The following ACTN1 variants were observed in gnomAD, a reference collection of about 807,000 sequenced individuals.
The protein encoded by ACTN1 is alpha-actinin-1.
ACTN1 carries 30 observed loss-of-function variants against 119.6 expected under a neutral mutation model. The ratio of observed to expected loss-of-function variants is 0.25; its 90% confidence interval spans 0.19 to 0.34. The LOEUF (loss-of-function observed/expected upper bound fraction) is 0.34. Among genes scored for constraint, ACTN1 ranks in the 10% least tolerant of loss-of-function variants. The pLI is 1.00. For synonymous variants in ACTN1, 429 were observed against 472.6 expected (o/e 0.91, Z 1.20); for missense variants, 764 against 1,223.4 (o/e 0.62, Z 5.60).
intron 1 of ACTN1, among the ~76,000 whole-genome samples, chr14:68,938,091 T>C (rs2268985): frequency 0.59 from 89,426 of 152,112 alleles, 27,792 homozygotes; most frequent in East Asian, 0.78. Flanking sequence ...TGTTCTGGCA[T>C]GGTAAATAGG....
In ACTN1 at chr14:68,885,800, G is replaced by T; in HGVS notation, c.1235-225C>A. On this transcript the variant is annotated intron_variant, in intron 11 of 21. Coordinates refer to ENST00000394419, the MANE Select transcript of ACTN1 (RefSeq NM_001130004.2). This position sits in a 1 kb window ranked among gnomAD's most constrained non-coding sequence, Gnocchi z 5.6. Reference sequence around the variant, plus strand: ...CTCCTCAGAGCACTTCCAAGGCCATGAAAGTGTCTACGCAGGAAGGCTATG... The same window carrying T: ...CTCCTCAGAGCACTTCCAAGGCCATTAAAGTGTCTACGCAGGAAGGCTATG... 1 of 561,174 alleles carries T rather than the reference G, an allele frequency of 1.8e-6. No individual in the cohort carries two copies. Among genetic ancestry groups the T allele is most frequent in the Non-Finnish European group, 3.2e-6 (1 of 313,982 alleles). 34.8% of individuals were successfully genotyped at this position (561,174 alleles called of 1,614,324 possible). A position where few individuals can be genotyped will look rare whatever the true frequency, so the allele number is the denominator to read the frequency against.
At chr14:68,913,215 C>A (rs1227371173) in intron 3 of ACTN1, among the ~76,000 whole-genome samples, 3 of 152,130 alleles carry the variant, frequency 2.0e-5, no homozygotes, top group Non-Finnish European at 4.4e-5. Context: ...GCAGGGAATA[C>A]AACATAAATA....
chr14:68,932,867 A>G (rs2035290437), intron 1 of ACTN1, among the ~76,000 whole-genome samples: 1 of 152,140 alleles, frequency 6.6e-6, no homozygotes, highest in Non-Finnish European at 1.5e-5. Context: ...ACCCCAAGCT[A>G]TGACAAGCAA....
chr14:68,947,701 G>A (rs939824149), intron 1 of ACTN1, among the ~76,000 whole-genome samples: 3 of 152,222 alleles, frequency 2.0e-5, no homozygotes, highest in Admixed American at 6.5e-5. Context: ...GGAGAAAGGG[G>A]CATCCTACTG....
rs184053266 is a variant in ACTN1 at position 68,936,477 on chromosome 14, G to A, written c.106-10805C>T. The A allele has an allele frequency of 4.9e-5, 16 of 326,474 alleles. No individual in the cohort carries two copies. In the East Asian group the frequency reaches 1.1e-3, roughly 23 times the overall value. The allele number at this position is 326,474 out of a possible 1,614,324, so 20.2% of individuals were successfully genotyped here. On this transcript the variant is annotated intron_variant, in intron 1 of 21. Transcript: ENST00000394419. ...CAGAATATGCTTTTGTTTGAGTTTTGTACCAAAATGTGCTGTCATTACCTT... is the reference window on the plus strand; with the variant it reads ...CAGAATATGCTTTTGTTTGAGTTTTATACCAAAATGTGCTGTCATTACCTT...
chr14:68,892,129 T>C lies in ACTN1; in HGVS notation c.1010A>G (p.Asn337Ser), dbSNP rs1264864071. 5.0e-6 allele frequency: 8 copies of C among 1,614,030 alleles called. No homozygotes were observed. The highest frequency in any genetic ancestry group is 2.2e-5 in the South Asian group (2 of 91,066). ...CAGCTTGGTCTGCAGCGTGTTGAAG[T>C]TGATCTCCAGCTGGCACTTCTCCTG... ...KVQEKCQLEI[N>S]FNTLQTKLRL... The change falls in exon 10 of 22, where the codon AAC (asparagine) becomes AGC (serine). Residue 337 changes from asparagine to serine, a missense_variant. Transcript: ENST00000394419.
rs2031658216 is a variant in ACTN1, at chr14:68,882,656, G to C, written c.1819-64C>G. ...AGCCATCTGTCCATGTGCCAGATGAGGAAATGGAGGACCCAGAAGGGGAAG... is the reference window on the plus strand; with the variant it reads ...AGCCATCTGTCCATGTGCCAGATGACGAAATGGAGGACCCAGAAGGGGAAG... On this transcript the variant is annotated intron_variant, in intron 15 of 21. Coordinates refer to ENST00000394419, the MANE Select transcript of ACTN1 (RefSeq NM_001130004.2). This position sits in a 1 kb window ranked among gnomAD's most constrained non-coding sequence, Gnocchi z 4.5. The C allele has an allele frequency of 6.2e-7, 1 of 1,600,998 alleles. No homozygotes were observed. Among genetic ancestry groups the C allele is most frequent in the East Asian group, 2.2e-5 (1 of 44,650 alleles).
intron 1 of ACTN1, among the ~76,000 whole-genome samples, chr14:68,953,781 G>C (rs144297274): frequency 0.015 from 2,244 of 151,892 alleles, 50 homozygotes; most frequent in Non-Finnish European, 0.017. Flanking sequence ...CAGCTACTCG[G>C]GAGGCTGAGG....
chr14:68,875,025 G>C lies in ACTN1; in HGVS notation c.2587-8C>G. The C allele has an allele frequency of 6.2e-7, 1 of 1,612,510 alleles. No homozygotes were observed. The highest frequency in any genetic ancestry group is 8.5e-7 in the Non-Finnish European group (1 of 1,179,992). On this transcript the variant is annotated splice_polypyrimidine_tract_variant and splice_region_variant and intron_variant, in intron 21 of 21. Coordinates refer to ENST00000394419, the MANE Select transcript of ACTN1 (RefSeq NM_001130004.2). Reference sequence around the variant, plus strand: ...GTCCATGGTAATGTAGTTCTGCGAGGAGAGAGTGGTCAGGAAGGCCGCAAA... The same window carrying C: ...GTCCATGGTAATGTAGTTCTGCGAGCAGAGAGTGGTCAGGAAGGCCGCAAA...
At chr14:68,956,985 C>A (rs1449107886) in intron 1 of ACTN1, among the ~76,000 whole-genome samples, 3 of 152,074 alleles carry the variant, frequency 2.0e-5, no homozygotes, top group African/African-American at 7.2e-5. Context: ...GAGCTCTTCA[C>A]CCAAACAACA....
chr14:68,954,361 C>A (rs2140560183), intron 1 of ACTN1, among the ~76,000 whole-genome samples: 1 of 151,992 alleles, frequency 6.6e-6, no homozygotes, highest in Non-Finnish European at 1.5e-5. Context: ...GAGTTTCACT[C>A]TTTTCACCCA....
Position 68,912,251 on chromosome 14 carries a change from ACAG to A in ACTN1, c.341-12_341-10del. ...ATTCCCATCCACGATTTCTACAGAA[ACAG>A]CAGCAGCACACATCAGAAAGGGCCT... On this transcript the variant is annotated splice_polypyrimidine_tract_variant and intron_variant, in intron 3 of 21. Transcript: ENST00000394419. 6.2e-7 allele frequency: 1 copy of A among 1,613,228 alleles called. No individual in the cohort carries two copies. Among genetic ancestry groups the A allele is most frequent in the African/African-American group, 1.3e-5 (1 of 75,040 alleles).
At chr14:68,936,813 C>G in intron 1 of ACTN1, 1 of 603,866 alleles carries the variant, frequency 1.7e-6, no homozygotes, top group Non-Finnish European at 3.3e-6. Context: ...CAACGCCAAG[C>G]AATCCCAGAA....
intron 8 of ACTN1, among the ~76,000 whole-genome samples, chr14:68,901,607 G>A (rs111281580): frequency 0.025 from 3,764 of 152,314 alleles, 59 homozygotes; most frequent in Middle Eastern, 0.085. Context: ...ATCTGCATGA[G>A]ACGTGAAGAT....
At chr14:68,890,354 AGACCCCTG>A in intron 10 of ACTN1, 68 bp from the exon 11 acceptor site, 1 of 1,564,618 alleles carries the variant, frequency 6.4e-7, no homozygotes, top group South Asian at 1.1e-5. Context: ...CTAGCCCCCT[AGACCCCTG>A]AAGGTGCCCC....
Position 68,880,113 on chromosome 14 carries a change from A to C in ACTN1, c.2134-5T>G. 6.2e-7 allele frequency: 1 copy of C among 1,613,214 alleles called. No homozygotes were observed. The highest frequency in any genetic ancestry group is 8.5e-7 in the Non-Finnish European group (1 of 1,179,480). On this transcript the variant is annotated splice_polypyrimidine_tract_variant and splice_region_variant and intron_variant, in intron 17 of 21. Transcript: ENST00000394419. This position sits in a 1 kb window ranked among gnomAD's most constrained non-coding sequence, Gnocchi z 4.6. The stretch of plus-strand genomic sequence containing the variant: ...CTCCCAGCCCACACGGATGTGCTGC[A>C]GGACGGCAAGGGGCCTGTCAGCAAA...
chr14:68,918,696 C>A (rs1484311008), intron 3 of ACTN1, among the ~76,000 whole-genome samples: 1 of 151,848 alleles, frequency 6.6e-6, no homozygotes, highest in Non-Finnish European at 1.5e-5. Context: ...GAGATAGAGA[C>A]CATCCTGGCT....
intron 1 of ACTN1, among the ~76,000 whole-genome samples, chr14:68,965,913 GTCACC>G (rs2036690052): frequency 6.6e-6 from 1 of 152,160 alleles, no homozygotes; most frequent in Non-Finnish European, 1.5e-5. Context: ...CAACTGCAAG[GTCACC>G]TTTAGAAGTG....
intron 6 of ACTN1, among the ~76,000 whole-genome samples, chr14:68,908,725 T>C (rs980485452): frequency 2.0e-5 from 3 of 152,066 alleles, no homozygotes; most frequent in African/African-American, 7.2e-5. Context: ...GCTCAGACAT[T>C]GAGAACCACC....
Sources: allele counts gnomAD v4.1 joint callset (sites outside exome capture counted in the v4.1 genomes callset), GRCh38; gene constraint gnomAD v4.1.1; non-coding constraint Gnocchi (gnomAD v3.1); transcripts MANE v1.5; gene names NCBI Gene and HGNC (gene_info 2026-07-23, HGNC 2026-07-21).